Variants in NPC1 observed in about 807,000 individuals in gnomAD.
NPC1 encodes NPC intracellular cholesterol transporter 1.
In NPC1, 85 loss-of-function variants were observed where a neutral mutation model predicts 140.4. That is an observed-to-expected ratio of 0.61 (90% confidence interval 0.51 to 0.72). The LOEUF is 0.72. Ranked by LOEUF, NPC1 falls within the 30% of genes least tolerant of loss-of-function variation. The pLI is 0.00. For synonymous variants in NPC1, 656 were observed against 624.8 expected (o/e 1.05, Z -0.74); for missense variants, 1,504 against 1,623.8 (o/e 0.93, Z 1.27).
intron 3 of NPC1, chr18:23,508,522 G>A (rs2057769544): frequency 6.6e-6 from 1 of 152,580 alleles, no homozygotes; most frequent in African/African-American, 2.4e-5. Context: ...GAGATTTGCT[G>A]GGTGTAGTAA....
chr18:23,549,574 G>T (rs1243919809), intron 10 of NPC1, among the ~76,000 whole-genome samples: 1 of 150,960 alleles, frequency 6.6e-6, no homozygotes, highest in African/African-American at 2.4e-5. Context: ...GGGAGGCAGG[G>T]GTTGCAGTGA....
downstream of NPC1, chr18:23,526,527 G>T: frequency 4.4e-6 from 6 of 1,365,486 alleles, no homozygotes; most frequent in South Asian, 8.3e-5. Flanking sequence ...GTACTTTGCG[G>T]CTTTTTATCA....
Position 23,544,424 on chromosome 18 carries a change from G to GGGT in NPC1, c.2047_2049dup (p.Thr683dup), listed in dbSNP as rs2058754958. 6.2e-7 allele frequency: 1 copy of GGGT among 1,614,026 alleles called. No homozygotes were observed. The highest frequency in any genetic ancestry group is 8.5e-7 in the Non-Finnish European group (1 of 1,180,044). ...AACGGGATGACTTCAATCACAATGAGGGTCAAGGGCAACCCAATGTAGCTG... is the reference window on the plus strand; with the variant it reads ...AACGGGATGACTTCAATCACAATGAGGGTGGTCAAGGGCAACCCAATGTAGCTG... On this transcript the variant is annotated inframe_insertion, in exon 13 of 25. Coordinates refer to ENST00000269228, the MANE Select transcript of NPC1 (RefSeq NM_000271.5).
downstream of NPC1, chr18:23,527,826 C>T (rs774120300): frequency 6.8e-6 from 11 of 1,613,866 alleles, no homozygotes; most frequent in Admixed American, 3.3e-5. Context: ...CATCGCTGCC[C>T]GTGATAGCCA....
chr18:23,548,350 T>C (rs1405180397), intron 10 of NPC1, among the ~76,000 whole-genome samples: 2 of 152,076 alleles, frequency 1.3e-5, no homozygotes, highest in East Asian at 3.9e-4. Context: ...TTTTTTTTTT[T>C]TTTTTTAAAG....
chr18:23,582,947 A>C (rs2059373806), intron 1 of NPC1, among the ~76,000 whole-genome samples: 1 of 151,878 alleles, frequency 6.6e-6, no homozygotes, highest in Non-Finnish European at 1.5e-5. Context: ...TGTGTCTACA[A>C]AAAATTTAAA....
intron 24 of NPC1, 93 bp from the exon 25 acceptor site, chr18:23,532,377 A>G: frequency 7.4e-7 from 1 of 1,360,048 alleles, no homozygotes; most frequent in Non-Finnish European, 1.1e-6. Context: ...CCACTTTGGA[A>G]GACTGAGGCA....
At chr18:23,507,937 A>T (rs1379973393) in intron 3 of NPC1, 1 of 1,581,696 alleles carries the variant, frequency 6.3e-7, no homozygotes, top group Middle Eastern at 1.8e-4. Context: ...GGTTGGCAGT[A>T]TGCTGCCTAA....
intron 3 of NPC1, among the ~76,000 whole-genome samples, chr18:23,511,255 T>G (rs2057850586): frequency 6.6e-6 from 1 of 152,158 alleles, no homozygotes; most frequent in African/African-American, 2.4e-5. Context: ...ATGATCTCAC[T>G]TCTAAGTGGG....
chr18:23,535,724 A>G (rs1567945878), intron 21 of NPC1, 24 bp from the exon 22 acceptor site: 3 of 1,502,436 alleles, frequency 2.0e-6, no homozygotes, highest in Non-Finnish European at 1.9e-6. Context: ...GGGAGGCCTC[A>G]TTAAAGCTCG....
At chr18:23,528,059 G>A (rs2058359846), downstream of NPC1, 1 of 580,336 alleles carries the variant, frequency 1.7e-6, no homozygotes, top group East Asian at 3.0e-5. Context: ...GGGGGATAGT[G>A]GAGGAGTAGT....
intron 7 of NPC1, 171 bp from the exon 8 acceptor site, chr18:23,556,784 T>C (rs1198005306): frequency 2.0e-6 from 2 of 1,019,748 alleles, no homozygotes; most frequent in African/African-American, 1.6e-5. Flanking sequence ...GCCACCTTTG[T>C]TGGCTGCCCT....
chr18:23,516,091 C>T (rs1318444614), intron 3 of NPC1: 36 of 1,564,078 alleles, frequency 2.3e-5, no homozygotes, highest in Non-Finnish European at 3.1e-5. Context: ...GGACAGGTTC[C>T]TCTAGCCGTA....
At chr18:23,520,216 C>T (rs112752406), downstream of NPC1, 64 of 1,613,764 alleles carry the variant, frequency 4.0e-5, 2 homozygotes, top group African/African-American at 3.9e-4. Flanking sequence ...CGGTAATATT[C>T]GATATCAAGT....
In NPC1 at chr18:23,586,299, CAGT is replaced by C. The variant is rs895660071; in HGVS notation, c.42_44del (p.Leu15del). ...GGCGACCGCTCACCTGCGCTGGACA[CAGT>C]AGCAGCAGGAGGAGGCCAAGGGCCA... is the stretch of plus-strand genomic sequence containing the variant. On this transcript the variant is annotated inframe_deletion, in exon 1 of 25. Coordinates refer to ENST00000269228, the MANE Select transcript of NPC1 (RefSeq NM_000271.5). The C allele has an allele frequency of 5.2e-6, 8 of 1,533,894 alleles. No homozygotes were observed. Among genetic ancestry groups the C allele is most frequent in the Admixed American group, 2.0e-5 (1 of 50,958 alleles).
downstream of NPC1, among the ~76,000 whole-genome samples, chr18:23,531,129 T>A (rs906565079): frequency 1.2e-4 from 19 of 152,112 alleles, no homozygotes; most frequent in African/African-American, 4.6e-4. Context: ...TAGTTGGGAC[T>A]ACAGGTGCGT....
intron 3 of NPC1, chr18:23,516,115 G>C: frequency 6.8e-7 from 1 of 1,466,840 alleles, no homozygotes; most frequent in Non-Finnish European, 9.4e-7. Context: ...TCACCGCTCT[G>C]ACCACTAGAG....
chr18:23,559,597 A>AC (rs2059007621), intron 6 of NPC1, among the ~76,000 whole-genome samples: 1 of 139,154 alleles, frequency 7.2e-6, no homozygotes, highest in African/African-American at 2.8e-5. Context: ...TTGGCCTCCT[A>AC]AAGTGCTGGG....
chr18:23,556,985 G>A, intron 7 of NPC1, 132 bp downstream of exon 7: 1 of 786,796 alleles, frequency 1.3e-6, no homozygotes, highest in Non-Finnish European at 2.2e-6. Flanking sequence ...GACCATGTCT[G>A]CCTTGGTCGC....
Sources: allele counts gnomAD v4.1 joint callset (sites outside exome capture counted in the v4.1 genomes callset), GRCh38; gene constraint gnomAD v4.1.1; transcripts MANE v1.5; gene names NCBI Gene and HGNC (gene_info 2026-07-23, HGNC 2026-07-21).